PTDSS2: variants seen among roughly 807,000 people sequenced by gnomAD.
PTDSS2 encodes PSS-2.
PTDSS2 carries 41 observed loss-of-function variants against 64.7 expected under a neutral mutation model. The ratio of observed to expected loss-of-function variants is 0.63; its 90% CI spans 0.49 to 0.82. The LOEUF (loss-of-function observed/expected upper bound fraction) is 0.82. Ranked by LOEUF, PTDSS2 falls within the 40% of genes least tolerant of loss-of-function variation. PTDSS2 has a pLI of 0.00. For synonymous variants in PTDSS2, 297 were observed against 277.8 expected, an observed-to-expected ratio of 1.07 and a Z score of -0.69; for missense variants, 485 against 650.0, an observed-to-expected ratio of 0.75 and a Z score of 2.76.
Position 450,534 on chromosome 11 carries a change from G to T in PTDSS2, c.79G>T (p.Glu27Ter). 1 of 1,241,588 alleles carries T rather than the reference G, an allele frequency of 8.1e-7. No homozygotes were observed. The highest frequency in any genetic ancestry group is 1.0e-6 in the Non-Finnish European group (1 of 985,666). 76.9% of individuals were successfully genotyped at this position (1,241,588 alleles called of 1,614,324 possible). ...PVPAGRASLE[E>*]PPDGPSAGQA... ...GCCCGCGGGCAGGGCCTCGCTGGAG[G>T]AGCCGCCTGACGGGCCGTCTGCCGG... The change falls in exon 1 of 12, where the codon GAG becomes TAG. Residue 27 changes from glutamate to a stop codon, truncating the protein, a stop_gained. Transcript: ENST00000308020. LOFTEE classifies it high-confidence loss of function.
At chr11:452,905 A>T (rs1846408260) in intron 1 of PTDSS2, among the ~76,000 whole-genome samples, 1 of 151,574 alleles carries the variant, frequency 6.6e-6, no homozygotes, top group Non-Finnish European at 1.5e-5. Flanking sequence ...TTATTTATTT[A>T]TTTATTTTTA....
rs749349686 is a variant in PTDSS2 at position 490,541 on chromosome 11, C to T, written c.1423C>T (p.Pro475Ser). The T allele has an allele frequency of 1.9e-6, 3 of 1,611,340 alleles. No individual in the cohort carries two copies. In the South Asian group the frequency reaches 3.3e-5, roughly 18 times the overall value. The change falls in exon 12 of 12, where the codon CCT (proline) becomes TCT (serine). Residue 475 changes from proline (P) to serine (S), a missense_variant. Physicochemically the swap from Pro to Ser is moderately conservative, Grantham distance 74. This residue lies in a region of PTDSS2 where 219 missense variants were observed against 257.3 expected (regional missense o/e 0.85). Coordinates refer to ENST00000308020, the MANE Select transcript of PTDSS2 (RefSeq NM_030783.3). ...GGGGCTGGACGAAGACCTGCTGGGGCCTGGGGTGGCCGAGGGCGAGGGAGC... is the reference window on the plus strand; with the variant it reads ...GGGGCTGGACGAAGACCTGCTGGGGTCTGGGGTGGCCGAGGGCGAGGGAGC... ...PLGLDEDLLG[P>S]GVAEGEGAPT...
chr11:471,097 C>CTTTT (rs36051705), intron 2 of PTDSS2, among the ~76,000 whole-genome samples: 1 of 129,300 alleles, frequency 7.7e-6, no homozygotes, highest in Non-Finnish European at 1.6e-5. Flanking sequence ...TTAAGTAATT[C>CTTTT]TTTTTTTTTT....
rs1180827012 is a variant in PTDSS2, at chr11:460,494, C to T, written c.284+206C>T. 6 of 549,544 alleles carry T rather than the reference C, an allele frequency of 1.1e-5. No homozygotes were observed. The Admixed American group carries it at 1.3e-4, about 11-fold the overall frequency. The allele number at this position is 549,544 out of a possible 1,614,324, so 34.0% of individuals were successfully genotyped here. A position where few individuals can be genotyped will look rare whatever the true frequency, so the allele number is the denominator to read the frequency against. On this transcript the variant is annotated intron_variant, in intron 2 of 11. Transcript: ENST00000308020. This position sits in a 1 kb window ranked among gnomAD's most constrained non-coding sequence, Gnocchi z 5.8. The stretch of plus-strand genomic sequence containing the variant: ...CGTGGCGTTCCCGGTCAGCCCCCGT[C>T]GCCTGTCACTGGGAGCCAGGAGTCT...
At chr11:473,867 T>C in intron 2 of PTDSS2, 28 bp from the exon 3 acceptor site, 1 of 1,565,086 alleles carries the variant, frequency 6.4e-7, no homozygotes, top group Non-Finnish European at 8.8e-7. Context: ...CTGCACACAC[T>C]GAGGGGCTGT....
At chr11:457,231 G>A (rs1846637227) in intron 1 of PTDSS2, among the ~76,000 whole-genome samples, 2 of 152,224 alleles carry the variant, frequency 1.3e-5, no homozygotes, top group Admixed American at 1.3e-4. Flanking sequence ...GGTGCGTTCA[G>A]TGCAGCACCC....
chr11:471,158 C>T (rs1227642614), intron 2 of PTDSS2, among the ~76,000 whole-genome samples: 6 of 143,080 alleles, frequency 4.2e-5, no homozygotes, highest in South Asian at 2.2e-4. Flanking sequence ...TGCAGTGGCG[C>T]GATCTCAGCT....
At chr11:453,826 A>G (rs1420498285) in intron 1 of PTDSS2, among the ~76,000 whole-genome samples, 1 of 152,200 alleles carries the variant, frequency 6.6e-6, no homozygotes, top group Admixed American at 6.5e-5. Flanking sequence ...GAGAGTGACC[A>G]TCTCCAAGGA....
intron 2 of PTDSS2, 98 bp from the exon 3 acceptor site, chr11:473,797 C>A: frequency 1.1e-6 from 1 of 924,276 alleles, no homozygotes; most frequent in Non-Finnish European, 1.8e-6. Context: ...GCATCAGGGG[C>A]TGTTCCACAA....
chr11:478,911 G>A lies in PTDSS2; in HGVS notation c.368-174G>A, dbSNP rs113391594. Among the ~76,000 whole-genome samples the A allele has an allele frequency of 8.3e-3, 1,265 of 152,332 alleles. 22 individuals are homozygous for A. The highest frequency in any genetic ancestry group is 0.029 in the African/African-American group (1,204 of 41,570). The stretch of plus-strand genomic sequence containing the variant: ...GAAGAAAAAAAATTCACTTTTCAGA[G>A]AGAAATTGTGCCTAATTCTGAGTTA... On this transcript the variant is annotated intron_variant, in intron 3 of 11. Coordinates refer to ENST00000308020, the MANE Select transcript of PTDSS2 (RefSeq NM_030783.3).
At chr11:451,424 G>A in intron 1 of PTDSS2, 1 of 447,440 alleles carries the variant, frequency 2.2e-6, no homozygotes, top group African/African-American at 2.0e-5. Flanking sequence ...GCTCCTCTGT[G>A]AGAAGGATCA....
Position 460,574 on chromosome 11 carries a change from G to T in PTDSS2, c.284+286G>T, listed in dbSNP as rs1353342527. The T allele has an allele frequency of 2.6e-6, 1 of 384,406 alleles. No homozygotes were observed. The highest frequency in any genetic ancestry group is 4.9e-5 in the East Asian group (1 of 20,408). 23.8% of individuals were successfully genotyped at this position (384,406 alleles called of 1,614,324 possible). ...GCTGCGTTTCCTCTGAGTTTTGCAT[G>T]TTGAGGTTGGAACGAGCTGCAGCAG... On this transcript the variant is annotated intron_variant, in intron 2 of 11. Coordinates refer to ENST00000308020, the MANE Select transcript of PTDSS2 (RefSeq NM_030783.3). The surrounding 1 kb of genome is among the most constrained non-coding windows in gnomAD (Gnocchi z 5.8).
chr11:466,517 C>T (rs774474402), intron 2 of PTDSS2, among the ~76,000 whole-genome samples: 1 of 151,218 alleles, frequency 6.6e-6, no homozygotes. Flanking sequence ...AAGCGATTCT[C>T]CTGCTTCAGC....
At chr11:474,825 C>T (rs1485563836) in intron 3 of PTDSS2, among the ~76,000 whole-genome samples, 1 of 152,260 alleles carries the variant, frequency 6.6e-6, no homozygotes, top group Non-Finnish European at 1.5e-5. Flanking sequence ...TAAATTTTCA[C>T]GTGTTTGTGA....
rs1185648836 is a variant in PTDSS2, at chr11:476,259, C to T, written c.367+2282C>T. ...GTCTTGCCTCCAAGGGGTTTGGATT[C>T]CTCAGCAGAGCCGTGGAAGGTGCAG... On this transcript the variant is annotated intron_variant, in intron 3 of 11. Coordinates refer to ENST00000308020, the MANE Select transcript of PTDSS2 (RefSeq NM_030783.3). This position sits in a 1 kb window ranked among gnomAD's most constrained non-coding sequence, Gnocchi z 4.9. 6.6e-6 allele frequency among the ~76,000 whole-genome samples: 1 copy of T among 152,194 alleles called. No homozygotes were observed. The highest frequency in any genetic ancestry group is 2.4e-5 in the African/African-American group (1 of 41,444).
At chr11:452,639 T>C (rs1026484445) in intron 1 of PTDSS2, among the ~76,000 whole-genome samples, 2 of 152,156 alleles carry the variant, frequency 1.3e-5, no homozygotes, top group African/African-American at 4.8e-5. Context: ...GCTCTGGCTC[T>C]GGCTTTCCCC....
rs1369709418 is a variant in PTDSS2, at chr11:476,845, A to G, written c.368-2240A>G. On this transcript the variant is annotated intron_variant, in intron 3 of 11. Transcript: ENST00000308020. The surrounding 1 kb of genome is among the most constrained non-coding windows in gnomAD (Gnocchi z 4.9). The stretch of plus-strand genomic sequence containing the variant: ...CTTCTGTCCGTTTAGTTTGCTTGGC[A>G]TAAATTCCATATTACTTTGCCAATC... 6.6e-6 allele frequency among the ~76,000 whole-genome samples: 1 copy of G among 152,190 alleles called. No individual in the cohort carries two copies. Among genetic ancestry groups the G allele is most frequent in the Admixed American group, 6.5e-5 (1 of 15,278 alleles).
rs191633129 is a variant in PTDSS2 at position 489,643 on chromosome 11, C to T, written c.1025C>T (p.Pro342Leu). 36 of 1,597,184 alleles carry T rather than the reference C, an allele frequency of 2.3e-5. No homozygotes were observed. In the East Asian group the frequency reaches 2.9e-4, roughly 13 times the overall value. ...CTGAAGTTTGTGCTGTGGATGCCCC[C>T]GGAGCACTACCTGGTCCTCCTGCGG... Reference protein sequence around the residue: ...FYLKFVLWMPPEHYLVLLRLV... With the variant: ...FYLKFVLWMPLEHYLVLLRLV... The change falls in exon 10 of 12, where the codon CCG becomes CTG. Residue 342 changes from proline to leucine, a missense_variant. Around this residue, in one of 3 missense-constraint regions of PTDSS2, gnomAD observed 219 missense variants for 257.3 expected, o/e 0.85. Coordinates refer to ENST00000308020, the MANE Select transcript of PTDSS2 (RefSeq NM_030783.3).
chr11:478,094 A>G (rs1847896423), intron 3 of PTDSS2, among the ~76,000 whole-genome samples: 1 of 152,180 alleles, frequency 6.6e-6, no homozygotes, highest in Non-Finnish European at 1.5e-5. Context: ...TCAGGAATTG[A>G]GGGATGGTTT....
Sources: allele counts gnomAD v4.1 joint callset (sites outside exome capture counted in the v4.1 genomes callset), GRCh38; gene constraint gnomAD v4.1.1; regional missense constraint gnomAD v4.1.1; non-coding constraint Gnocchi (gnomAD v3.1); transcripts MANE v1.5; gene names NCBI Gene and HGNC (gene_info 2026-07-23, HGNC 2026-07-21).